Variants in CLIC4 observed in about 807,000 individuals in gnomAD.
The protein encoded by CLIC4 is chloride intracellular channel protein 4.
In CLIC4, 13 loss-of-function variants were observed where a neutral mutation model predicts 24.6. That is an observed-to-expected ratio of 0.53 (90% CI 0.34 to 0.84). CLIC4 has a LOEUF of 0.84. Among genes scored for constraint, CLIC4 ranks in the 40% least tolerant of loss-of-function variants. CLIC4 has a pLI of 0.01. For synonymous variants in CLIC4, 104 were observed against 111.3 expected, an observed-to-expected ratio of 0.93 and a Z score of 0.41; for missense variants, 227 against 301.7, an observed-to-expected ratio of 0.75 and a Z score of 1.83.
chr1:24,840,724 A>C (rs771502735), intron 5 of CLIC4, 49 bp from the exon 6 acceptor site: 1 of 1,478,382 alleles, frequency 6.8e-7, no homozygotes, highest in Non-Finnish European at 9.2e-7. Flanking sequence ...TGTCTAGTTT[A>C]CAAGACGTGG....
chr1:24,821,003 GT>G (rs1410616927), intron 3 of CLIC4, among the ~76,000 whole-genome samples: 6 of 152,058 alleles, frequency 3.9e-5, no homozygotes, highest in African/African-American at 1.4e-4. Context: ...GGGCAACATG[GT>G]GAAACCCTGT....
At chr1:24,745,843 C>A (rs925697448) in intron 1 of CLIC4, among the ~76,000 whole-genome samples, 31 of 151,634 alleles carry the variant, frequency 2.0e-4, no homozygotes, top group Non-Finnish European at 4.0e-4. Flanking sequence ...CGGGCGGCGG[C>A]CACCGTCTCC....
At chr1:24,813,410 T>C (rs1307817688) in intron 2 of CLIC4, among the ~76,000 whole-genome samples, 2 of 151,836 alleles carry the variant, frequency 1.3e-5, no homozygotes, top group Non-Finnish European at 2.9e-5. Flanking sequence ...TCTTTTCTTT[T>C]TCTTTTTCTC....
chr1:24,798,202 G>A (rs75025183), intron 2 of CLIC4, among the ~76,000 whole-genome samples: 2,401 of 152,294 alleles, frequency 0.016, 56 homozygotes, highest in African/African-American at 0.055. Context: ...GGCCCCAAAT[G>A]TGTTAAGCAT....
At chr1:24,835,278 C>T (rs183297990) in intron 4 of CLIC4, among the ~76,000 whole-genome samples, 104 of 152,302 alleles carry the variant, frequency 6.8e-4, no homozygotes, top group Admixed American at 1.1e-3. Flanking sequence ...AAAAATATTA[C>T]CGGGTCAGGT....
intron 4 of CLIC4, 91 bp downstream of exon 4, chr1:24,827,207 T>G: frequency 1.3e-6 from 1 of 758,524 alleles, no homozygotes; most frequent in Non-Finnish European, 2.2e-6. Context: ...ATGAGTACTT[T>G]AGAGTCCAGC....
In CLIC4 at chr1:24,843,205, G is replaced by C. The variant is rs773165968; in HGVS notation, c.*2268G>C. 6 of 152,170 alleles carry C rather than the reference G, an allele frequency of 3.9e-5. No homozygotes were observed. Among genetic ancestry groups the C allele is most frequent in the Non-Finnish European group, 8.8e-5 (6 of 68,020 alleles). 9.4% of individuals were successfully genotyped at this position (152,170 alleles called of 1,614,324 possible). The stretch of plus-strand genomic sequence containing the variant: ...TAGAAACACAGATACCACTTTATCA[G>C]GGAAGTTAGTCAAATGAAATGGAAA... On this transcript the variant is annotated 3_prime_UTR_variant, in exon 6 of 6. Coordinates refer to ENST00000374379, the MANE Select transcript of CLIC4 (RefSeq NM_013943.3).
intron 1 of CLIC4, among the ~76,000 whole-genome samples, chr1:24,768,798 G>A (rs1302653304): frequency 6.6e-6 from 1 of 151,538 alleles, no homozygotes; most frequent in Admixed American, 6.6e-5. Flanking sequence ...CTACTCGGGA[G>A]GCTAAGGCAG....
chr1:24,801,955 T>C (rs1639494541), intron 2 of CLIC4, among the ~76,000 whole-genome samples: 2 of 152,108 alleles, frequency 1.3e-5, no homozygotes, highest in African/African-American at 2.4e-5. Flanking sequence ...GTCATGTAGT[T>C]ACCCTTCTAT....
chr1:24,805,348 T>G (rs1185738338), intron 2 of CLIC4, among the ~76,000 whole-genome samples: 1 of 152,212 alleles, frequency 6.6e-6, no homozygotes, highest in Non-Finnish European at 1.5e-5. Context: ...ATTTGTTCAA[T>G]TAGTGACTTG....
At chr1:24,803,172 T>C (rs1571252182) in intron 2 of CLIC4, among the ~76,000 whole-genome samples, 1 of 152,238 alleles carries the variant, frequency 6.6e-6, no homozygotes, top group East Asian at 1.9e-4. Flanking sequence ...TGTAGTACTT[T>C]TCATAATATA....
At chr1:24,790,414 T>G (rs1639319573) in intron 1 of CLIC4, among the ~76,000 whole-genome samples, 1 of 152,234 alleles carries the variant, frequency 6.6e-6, no homozygotes, top group Non-Finnish European at 1.5e-5. Flanking sequence ...GAATGTGATT[T>G]TAAGGAAAAG....
At chr1:24,832,468 G>T (rs867215038) in intron 4 of CLIC4, among the ~76,000 whole-genome samples, 4,860 of 9,184 alleles carry the variant, frequency 0.53, 2,234 homozygotes, top group South Asian at 0.67. Context: ...AGATTAGGGA[G>T]TGGTGATGAC....
At chr1:24,825,363 G>T (rs924591463) in intron 3 of CLIC4, among the ~76,000 whole-genome samples, 3 of 152,144 alleles carry the variant, frequency 2.0e-5, no homozygotes, top group African/African-American at 7.2e-5. Context: ...TAAACTGGAG[G>T]CTTGTTTGTA....
At chr1:24,796,671 G>A (rs1224777771) in intron 1 of CLIC4, among the ~76,000 whole-genome samples, 1 of 152,182 alleles carries the variant, frequency 6.6e-6, no homozygotes, top group Non-Finnish European at 1.5e-5. Flanking sequence ...ATCTAGGTTT[G>A]TGTCAGCATA....
At chr1:24,825,041 A>C (rs892434215) in intron 3 of CLIC4, among the ~76,000 whole-genome samples, 32 of 117,676 alleles carry the variant, frequency 2.7e-4, no homozygotes, top group Non-Finnish European at 4.1e-4. Flanking sequence ...CACACACACA[A>C]AAGTACAAAA....
intron 4 of CLIC4, among the ~76,000 whole-genome samples, chr1:24,831,516 A>G (rs1220590207): frequency 6.6e-6 from 1 of 152,250 alleles, no homozygotes; most frequent in Non-Finnish European, 1.5e-5. Context: ...ACAATAATTC[A>G]ATGTTTGAAT....
intron 4 of CLIC4, among the ~76,000 whole-genome samples, chr1:24,837,449 A>T (rs1301548271): frequency 2.0e-5 from 3 of 152,126 alleles, no homozygotes; most frequent in East Asian, 1.9e-4. Context: ...TCACTGTTGA[A>T]CTCTTCCAAG....
At chr1:24,764,096 A>G (rs1638962667) in intron 1 of CLIC4, among the ~76,000 whole-genome samples, 1 of 152,154 alleles carries the variant, frequency 6.6e-6, no homozygotes, top group Non-Finnish European at 1.5e-5. Context: ...GTGCTTTGGA[A>G]AAGGATCATC....
Sources: gnomAD v4.1 joint callset for allele counts (sites outside exome capture counted in the v4.1 genomes callset) on GRCh38, gnomAD v4.1.1 for gene constraint, MANE v1.5 for transcripts, NCBI Gene and HGNC (gene_info 2026-07-23, HGNC 2026-07-21) for gene names.